Variants in MARCHF11 observed in about 807,000 individuals in gnomAD.
MARCHF11 encodes E3 ubiquitin-protein ligase MARCHF11.
MARCHF11 carries 29 observed loss-of-function variants against 37.3 expected under a neutral mutation model. The ratio of observed to expected loss-of-function variants is 0.78; its 90% CI spans 0.58 to 1.06. The LOEUF (loss-of-function observed/expected upper bound fraction) is 1.06. Among genes scored for constraint, MARCHF11 ranks in the 50% least tolerant of loss-of-function variants. The pLI is 0.00. For missense variants in MARCHF11, 482 were observed against 533.4 expected (o/e 0.90, Z 0.95); for synonymous variants, 233 against 228.0 (o/e 1.02, Z -0.20).
chr5:16,144,374 G>T (rs75479779), intron 2 of MARCHF11, among the ~76,000 whole-genome samples: 3 of 152,100 alleles, frequency 2.0e-5, no homozygotes, highest in Non-Finnish European at 4.4e-5. Flanking sequence ...ACACTCTCCC[G>T]GTGTGTTATT....
chr5:16,083,262 T>C (rs952156205), intron 3 of MARCHF11, among the ~76,000 whole-genome samples: 1 of 152,144 alleles, frequency 6.6e-6, no homozygotes, highest in African/African-American at 2.4e-5. Flanking sequence ...TCTGGTGGTC[T>C]TGGCTCTCCA....
intron 3 of MARCHF11, among the ~76,000 whole-genome samples, chr5:16,071,447 A>G (rs1736436359): frequency 6.6e-6 from 1 of 152,228 alleles, no homozygotes. Flanking sequence ...TTAGAGATTA[A>G]TCTTGAAAAA....
At chr5:16,127,600 A>G (rs777280559) in intron 2 of MARCHF11, among the ~76,000 whole-genome samples, 1 of 152,194 alleles carries the variant, frequency 6.6e-6, no homozygotes, top group Non-Finnish European at 1.5e-5. Context: ...ACTTCTGGAT[A>G]AGGAATCAAG....
chr5:16,170,675 G>A (rs930830661), intron 2 of MARCHF11, among the ~76,000 whole-genome samples: 2 of 152,034 alleles, frequency 1.3e-5, no homozygotes, highest in Admixed American at 6.6e-5. Flanking sequence ...AATATTCACC[G>A]AATGCCCACA....
intron 2 of MARCHF11, among the ~76,000 whole-genome samples, chr5:16,145,876 C>T (rs534414211): frequency 2.8e-4 from 43 of 152,210 alleles, no homozygotes; most frequent in African/African-American, 9.6e-4. Flanking sequence ...GATTTATCTA[C>T]TTTTGTCCAA....
At chr5:16,089,103 A>AT (rs1736747795) in intron 3 of MARCHF11, among the ~76,000 whole-genome samples, 1 of 152,128 alleles carries the variant, frequency 6.6e-6, no homozygotes, top group African/African-American at 2.4e-5. Context: ...TGAAATTAAA[A>AT]AAAAAAATCA....
chr5:16,172,946 A>G (rs1385689063), intron 2 of MARCHF11, among the ~76,000 whole-genome samples: 1 of 152,242 alleles, frequency 6.6e-6, no homozygotes, highest in Non-Finnish European at 1.5e-5. Flanking sequence ...GAACATGGAT[A>G]AAAATCAAAA....
chr5:16,106,516 C>A (rs1179388826), intron 2 of MARCHF11, among the ~76,000 whole-genome samples: 2 of 152,182 alleles, frequency 1.3e-5, no homozygotes, highest in East Asian at 3.9e-4. Flanking sequence ...TGGGCCCATG[C>A]ATGAAGCGTG....
chr5:16,104,680 C>CA (rs35879619), intron 2 of MARCHF11, among the ~76,000 whole-genome samples: 32,846 of 141,816 alleles, frequency 0.23, 4,043 homozygotes, highest in East Asian at 0.39. Flanking sequence ...CCATTTACCT[C>CA]AAAAAAAAAA....
intron 2 of MARCHF11, among the ~76,000 whole-genome samples, chr5:16,130,939 A>G (rs541420840): frequency 6.6e-6 from 1 of 152,336 alleles, no homozygotes; most frequent in South Asian, 2.1e-4. Flanking sequence ...TTAATTTAAC[A>G]GGCAAATATG....
intron 2 of MARCHF11, among the ~76,000 whole-genome samples, chr5:16,175,310 A>C (rs1738338013): frequency 6.6e-6 from 1 of 152,222 alleles, no homozygotes; most frequent in South Asian, 2.1e-4. Context: ...AGACAGTCAA[A>C]ACCTTCCCAA....
intron 3 of MARCHF11, among the ~76,000 whole-genome samples, chr5:16,073,211 C>T (rs1199609112): frequency 6.6e-6 from 1 of 152,148 alleles, no homozygotes; most frequent in Non-Finnish European, 1.5e-5. Context: ...CTTTTGACTC[C>T]TTAATTTCTG....
chr5:16,135,898 AG>A lies in MARCHF11; in HGVS notation c.693+41827del, dbSNP rs1252830379. ...AGAGATTTAAAAAAAAAAAAAAAAA[AG>A]AAGGAAGGGAGGGAAAGAGAAAGAA... On this transcript the variant is annotated intron_variant, in intron 2 of 3. Coordinates refer to ENST00000332432, the MANE Select transcript of MARCHF11 (RefSeq NM_001102562.3). Among the ~76,000 whole-genome samples, 7 of 147,090 alleles carry A rather than the reference AG, an allele frequency of 4.8e-5. No individual in the cohort carries two copies. The South Asian group carries it at 6.6e-4, about 14-fold the overall frequency.
intron 2 of MARCHF11, among the ~76,000 whole-genome samples, chr5:16,134,195 C>T (rs551411071): frequency 6.6e-6 from 1 of 152,128 alleles, no homozygotes; most frequent in Non-Finnish European, 1.5e-5. Context: ...ATGACACAGG[C>T]GCTCTCATAA....
chr5:16,110,867 CAT>C (rs1346927967), intron 2 of MARCHF11, among the ~76,000 whole-genome samples: 1 of 152,176 alleles, frequency 6.6e-6, no homozygotes, highest in Admixed American at 6.5e-5. Flanking sequence ...CCATAATCCC[CAT>C]GTGTTGTGGG....
intron 2 of MARCHF11, among the ~76,000 whole-genome samples, chr5:16,158,692 T>G (rs1738023583): frequency 6.6e-6 from 1 of 151,994 alleles, no homozygotes; most frequent in Non-Finnish European, 1.5e-5. Context: ...TAACAATGTA[T>G]TGCATTCTTT....
intron 3 of MARCHF11, among the ~76,000 whole-genome samples, chr5:16,085,236 A>G (rs1481481565): frequency 6.6e-6 from 1 of 152,078 alleles, no homozygotes; most frequent in Non-Finnish European, 1.5e-5. Flanking sequence ...AAAAACTCCT[A>G]AAGTGTGCTG....
chr5:16,149,682 T>C (rs908952312), intron 2 of MARCHF11, among the ~76,000 whole-genome samples: 1 of 152,082 alleles, frequency 6.6e-6, no homozygotes, highest in African/African-American at 2.4e-5. Context: ...ACCAGTGAAA[T>C]GTCAGCAGAT....
intron 3 of MARCHF11, among the ~76,000 whole-genome samples, chr5:16,083,038 G>C (rs1184852741): frequency 6.6e-6 from 1 of 152,198 alleles, no homozygotes; most frequent in Non-Finnish European, 1.5e-5. Flanking sequence ...GGCGGTGATT[G>C]AGTGGTAATC....
Sources: allele counts gnomAD v4.1 joint callset (sites outside exome capture counted in the v4.1 genomes callset), GRCh38; gene constraint gnomAD v4.1.1; transcripts MANE v1.5; gene names NCBI Gene and HGNC (gene_info 2026-07-23, HGNC 2026-07-21).